The following CBX1 variants were observed in gnomAD, a reference collection of about 807,000 sequenced individuals.
The protein encoded by CBX1 is chromobox 1.
Under a neutral mutation model 25.1 loss-of-function variants are expected in CBX1, and 10 were observed. The ratio of observed to expected loss-of-function variants is 0.40; its 90% CI spans 0.25 to 0.68. CBX1 has a LOEUF of 0.68. Ranked by LOEUF, CBX1 falls within the 30% of genes least tolerant of loss-of-function variation. The pLI is 0.40. For missense variants in CBX1, 106 were observed against 218.5 expected (o/e 0.49, Z 3.25); for synonymous variants, 63 against 79.4 (o/e 0.79, Z 1.10).
At chr17:48,096,248 C>G (rs79498818) in intron 1 of CBX1, 1 of 522,852 alleles carries the variant, frequency 1.9e-6, no homozygotes, top group Non-Finnish European at 2.5e-6. Context: ...TGCTGGTGTG[C>G]GAATACATTT....
chr17:48,078,582 C>T (rs1348808092), intron 1 of CBX1, among the ~76,000 whole-genome samples: 1 of 151,800 alleles, frequency 6.6e-6, no homozygotes, highest in African/African-American at 2.4e-5. Flanking sequence ...CTCTGCCTCC[C>T]GGGTTCAAGC....
chr17:48,078,443 C>T (rs1387043556), intron 1 of CBX1, among the ~76,000 whole-genome samples: 2 of 151,954 alleles, frequency 1.3e-5, no homozygotes, highest in Non-Finnish European at 2.9e-5. Context: ...CCGCCTGCCT[C>T]GGCCTCCCAA....
At chr17:48,098,555 T>C (rs776588154) in intron 1 of CBX1, among the ~76,000 whole-genome samples, 12 of 152,178 alleles carry the variant, frequency 7.9e-5, no homozygotes, top group Admixed American at 3.3e-4. Context: ...TGGAGTGCAA[T>C]AGCGCGATCT....
At chr17:48,087,804 A>G (rs2063321053) in intron 1 of CBX1, among the ~76,000 whole-genome samples, 1 of 148,254 alleles carries the variant, frequency 6.7e-6, no homozygotes, top group African/African-American at 2.5e-5. Flanking sequence ...CCGGGGAATC[A>G]GAGGTTGCAG....
chr17:48,094,713 G>A (rs1194234564), intron 1 of CBX1, among the ~76,000 whole-genome samples: 3 of 149,592 alleles, frequency 2.0e-5, no homozygotes, highest in Non-Finnish European at 4.4e-5. Context: ...CAGCCTGGGT[G>A]ACGGACCAAG....
At chr17:48,081,196 T>G (rs1048672830) in intron 1 of CBX1, among the ~76,000 whole-genome samples, 1 of 149,646 alleles carries the variant, frequency 6.7e-6, no homozygotes, top group Non-Finnish European at 1.5e-5. Flanking sequence ...CTGGGATTAC[T>G]GGCATGAGAT....
intron 1 of CBX1, among the ~76,000 whole-genome samples, chr17:48,092,846 A>C (rs1265290334): frequency 6.6e-6 from 1 of 152,084 alleles, no homozygotes; most frequent in African/African-American, 2.4e-5. Context: ...CGAGGTCGGC[A>C]GATCACCTGA....
chr17:48,096,159 G>A (rs963930658), intron 1 of CBX1, among the ~76,000 whole-genome samples: 7 of 152,178 alleles, frequency 4.6e-5, no homozygotes, highest in African/African-American at 1.2e-4. Context: ...TATTATAGGC[G>A]TGAGCCATCA....
chr17:48,079,095 C>CCATGTTCTCTTGT, intron 1 of CBX1, among the ~76,000 whole-genome samples: 1 of 151,312 alleles, frequency 6.6e-6, no homozygotes, highest in East Asian at 2.0e-4. Flanking sequence ...CCGAACCCAG[C>CCATGTTCTCTTGT]TCCAGCCCCG....
rs542734282 is a variant in CBX1, at chr17:48,071,337, T to A, written c.*98A>T. ...CTATACTGGCTCTTCAAAGGACATC[T>A]TCTCAAGCCACCTCTATGGTGTCAA... On this transcript the variant is annotated 3_prime_UTR_variant, in exon 5 of 5. Transcript: ENST00000225603. 246 of 1,277,106 alleles carry A rather than the reference T, an allele frequency of 1.9e-4. 3 individuals are homozygous for A. The African/African-American group carries it at 3.4e-3, about 18-fold the overall frequency. The allele number at this position is 1,277,106 out of a possible 1,614,324, so 79.1% of individuals were successfully genotyped here.
intron 1 of CBX1, among the ~76,000 whole-genome samples, chr17:48,093,436 T>C (rs190123082): frequency 3.7e-4 from 56 of 152,162 alleles, no homozygotes; most frequent in Admixed American, 7.2e-4. Context: ...AAACGCACTA[T>C]AGGAGGTTGG....
intron 1 of CBX1, chr17:48,100,867 T>C: frequency 1.0e-6 from 1 of 985,660 alleles, no homozygotes; most frequent in Non-Finnish European, 1.2e-6. Flanking sequence ...CGAATACAGT[T>C]ACAAACCTCG....
intron 1 of CBX1, among the ~76,000 whole-genome samples, chr17:48,082,817 C>G (rs1310414638): frequency 7.0e-6 from 1 of 141,964 alleles, no homozygotes; most frequent in African/African-American, 2.7e-5. Context: ...GGATTACAGG[C>G]GTAAGCCACT....
chr17:48,073,509 T>C (rs757540774), intron 4 of CBX1, among the ~76,000 whole-genome samples: 1 of 152,158 alleles, frequency 6.6e-6, no homozygotes. Flanking sequence ...TGTCTTATAA[T>C]CAAATCCAGT....
intron 1 of CBX1, among the ~76,000 whole-genome samples, chr17:48,083,788 C>T (rs2037760067): frequency 6.7e-6 from 1 of 150,096 alleles, no homozygotes; most frequent in Non-Finnish European, 1.5e-5. Flanking sequence ...TGCGCCATTG[C>T]ACTCCAGCCT....
At chr17:48,078,655 A>G (rs757184872) in intron 1 of CBX1, among the ~76,000 whole-genome samples, 13 of 150,550 alleles carry the variant, frequency 8.6e-5, no homozygotes, top group Non-Finnish European at 1.8e-4. Context: ...ACGCCTGGCT[A>G]ATTTCTATAT....
At chr17:48,074,501 G>A (rs2037656473) in intron 4 of CBX1, among the ~76,000 whole-genome samples, 1 of 152,168 alleles carries the variant, frequency 6.6e-6, no homozygotes, top group Non-Finnish European at 1.5e-5. Context: ...ATGCTTGATA[G>A]CAGTTAAGGA....
At chr17:48,096,465 T>G in intron 1 of CBX1, 1 of 762,290 alleles carries the variant, frequency 1.3e-6, no homozygotes, top group African/African-American at 1.9e-5. Context: ...ATGACTACAT[T>G]GGAAACGTAT....
At chr17:48,083,588 C>A (rs997697148) in intron 1 of CBX1, among the ~76,000 whole-genome samples, 1 of 150,232 alleles carries the variant, frequency 6.7e-6, no homozygotes, top group Admixed American at 6.6e-5. Flanking sequence ...TTTGGGAGGC[C>A]GAGGTGAGCG....
Sources: gnomAD v4.1 joint callset for allele counts (sites outside exome capture counted in the v4.1 genomes callset) on GRCh38, gnomAD v4.1.1 for gene constraint, MANE v1.5 for transcripts, NCBI Gene and HGNC (gene_info 2026-07-23, HGNC 2026-07-21) for gene names.